RFX4: variants seen among roughly 807,000 people sequenced by gnomAD.
RFX4 encodes transcription factor RFX4.
In RFX4, 10 loss-of-function variants were observed where a neutral mutation model predicts 95.0. The observed-to-expected ratio is 0.11, with a 90% CI of 0.06 to 0.18. The LOEUF (loss-of-function observed/expected upper bound fraction) is 0.18, where lower values mean the gene tolerates loss of function less well. Among genes scored for constraint, RFX4 ranks in the 10% least tolerant of loss-of-function variants. The pLI, the probability that RFX4 is intolerant of heterozygous loss-of-function variation, is 1.00. For synonymous variants in RFX4, 321 were observed against 340.7 expected (o/e 0.94, Z 0.64); for missense variants, 640 against 922.0 (o/e 0.69, Z 3.96).
chr12:106,628,512 G>C (rs182917877), intron 2 of RFX4, among the ~76,000 whole-genome samples: 1 of 152,266 alleles, frequency 6.6e-6, no homozygotes, highest in East Asian at 1.9e-4. Context: ...GATTCTTCCT[G>C]TGGATGCCCC....
intron 15 of RFX4, among the ~76,000 whole-genome samples, chr12:106,740,399 G>A (rs1437137029): frequency 6.6e-6 from 1 of 152,194 alleles, no homozygotes; most frequent in African/African-American, 2.4e-5. Context: ...AGAGTTGTCA[G>A]TGCTAGTGAA....
intron 4 of RFX4, among the ~76,000 whole-genome samples, chr12:106,675,984 G>C (rs1009398909): frequency 2.0e-5 from 3 of 152,168 alleles, no homozygotes; most frequent in Admixed American, 1.3e-4. Context: ...GGTCGTGATG[G>C]GGCATGACGG....
chr12:106,696,072 T>C (rs989678835), intron 7 of RFX4, among the ~76,000 whole-genome samples: 7 of 152,190 alleles, frequency 4.6e-5, no homozygotes, highest in Non-Finnish European at 1.0e-4. Context: ...TCCCCAGCAG[T>C]GTGCATGTTG....
intron 1 of RFX4, among the ~76,000 whole-genome samples, chr12:106,590,406 T>C (rs1299963868): frequency 6.6e-6 from 1 of 151,924 alleles, no homozygotes; most frequent in African/African-American, 2.4e-5. Flanking sequence ...AAGAAGAAAC[T>C]GTTATTATTT....
chr12:106,605,559 G>A (rs1463926757), intron 1 of RFX4, among the ~76,000 whole-genome samples: 1 of 152,182 alleles, frequency 6.6e-6, no homozygotes, highest in African/African-American at 2.4e-5. Context: ...CATAGGTGAT[G>A]GTTCTTTCAC....
intron 2 of RFX4, among the ~76,000 whole-genome samples, chr12:106,618,462 G>A (rs2040117904): frequency 6.6e-6 from 1 of 151,956 alleles, no homozygotes; most frequent in South Asian, 2.1e-4. Flanking sequence ...GGATTGCTAT[G>A]TCCTCTTATT....
intron 1 of RFX4, chr12:106,601,451 C>T (rs1258545405): frequency 1.7e-6 from 2 of 1,205,138 alleles, no homozygotes; most frequent in Non-Finnish European, 2.3e-6. Flanking sequence ...CATGTCAACT[C>T]TTTTATGTAG....
chr12:106,656,460 G>A (rs1241914776), intron 4 of RFX4, among the ~76,000 whole-genome samples: 1 of 152,154 alleles, frequency 6.6e-6, no homozygotes, highest in East Asian at 1.9e-4. Context: ...CAGCCCACAG[G>A]AAGCCTCTGT....
intron 1 of RFX4, among the ~76,000 whole-genome samples, chr12:106,588,418 A>T (rs1021509496): frequency 6.6e-6 from 1 of 152,166 alleles, no homozygotes; most frequent in Non-Finnish European, 1.5e-5. Context: ...ACCCTCACAT[A>T]TGTGAGAGAG....
chr12:106,592,949 C>A (rs1408727721), intron 1 of RFX4, among the ~76,000 whole-genome samples: 1 of 152,124 alleles, frequency 6.6e-6, no homozygotes, highest in African/African-American at 2.4e-5. Context: ...TGAAATGCAG[C>A]CATTTTGCTT....
chr12:106,710,571 A>G (rs12368806), intron 9 of RFX4, among the ~76,000 whole-genome samples: 30,382 of 152,044 alleles, frequency 0.2, 3,406 homozygotes, highest in South Asian at 0.28. Flanking sequence ...CTATTACTTG[A>G]CCAGTTCAGA....
chr12:106,682,865 C>T (rs1305990711), intron 5 of RFX4: 1 of 152,188 alleles, frequency 6.6e-6, no homozygotes, highest in Non-Finnish European at 1.5e-5. Flanking sequence ...ATTTATAGGA[C>T]TTGCCTCTAA....
chr12:106,684,661 T>C, intron 5 of RFX4: 1 of 1,440,788 alleles, frequency 6.9e-7, no homozygotes, highest in East Asian at 2.5e-5. Context: ...TCATCCCACC[T>C]GAAGCCACCG....
chr12:106,589,767 A>T (rs2039511829), intron 1 of RFX4, among the ~76,000 whole-genome samples: 1 of 152,194 alleles, frequency 6.6e-6, no homozygotes, highest in South Asian at 2.1e-4. Flanking sequence ...GAATCACAGA[A>T]TGTTGTCTTC....
At chr12:106,669,845 T>TGTGTGTGC (rs2041248631) in intron 4 of RFX4, among the ~76,000 whole-genome samples, 2 of 148,144 alleles carry the variant, frequency 1.4e-5, no homozygotes. Flanking sequence ...TAGGGGTGTG[T>TGTGTGTGC]GTGTGTGTGT....
intron 13 of RFX4, among the ~76,000 whole-genome samples, chr12:106,727,428 G>T (rs1239168162): frequency 6.6e-6 from 1 of 152,128 alleles, no homozygotes; most frequent in Non-Finnish European, 1.5e-5. Context: ...GAAAAGACAG[G>T]AATGCCTTCT....
chr12:106,632,055 C>A (rs1200827776), intron 2 of RFX4, among the ~76,000 whole-genome samples: 6 of 152,122 alleles, frequency 3.9e-5, no homozygotes, highest in Admixed American at 6.5e-5. Flanking sequence ...AACTGAGGAA[C>A]CAAAATGTTG....
At chr12:106,757,033 C>T (rs560359221) in intron 17 of RFX4, among the ~76,000 whole-genome samples, 1 of 152,280 alleles carries the variant, frequency 6.6e-6, no homozygotes, top group Non-Finnish European at 1.5e-5. Flanking sequence ...TGCAGTAGAT[C>T]ATTTCCCTTC....
chr12:106,604,165 G>C (rs1486527677), intron 1 of RFX4, among the ~76,000 whole-genome samples: 1 of 138,646 alleles, frequency 7.2e-6, no homozygotes, highest in African/African-American at 2.7e-5. Flanking sequence ...CTGTCACCCA[G>C]GCTGGAGTGC....
Sources: allele counts gnomAD v4.1 joint callset (sites outside exome capture counted in the v4.1 genomes callset), GRCh38; gene constraint gnomAD v4.1.1; transcripts MANE v1.5; gene names NCBI Gene and HGNC (gene_info 2026-07-23, HGNC 2026-07-21).